The following AFF3 variants were observed in gnomAD, a reference collection of about 807,000 sequenced individuals.
The protein encoded by AFF3 is ALF transcription elongation factor 3.
AFF3 carries 32 observed loss-of-function variants against 129.7 expected under a neutral mutation model. The observed-to-expected ratio is 0.25, with a 90% CI of 0.19 to 0.33. AFF3 has a LOEUF of 0.33. Ranked by LOEUF, AFF3 falls within the 10% of genes least tolerant of loss-of-function variation. The pLI, the probability that AFF3 is intolerant of heterozygous loss-of-function variation, is 1.00. For synonymous variants in AFF3, 644 were observed against 635.4 expected (o/e 1.01, Z -0.20); for missense variants, 1,373 against 1,592.0 (o/e 0.86, Z 2.34).
At chr2:99,824,609 G>A (rs10183018) in intron 8 of AFF3, among the ~76,000 whole-genome samples, 1 of 152,000 alleles carries the variant, frequency 6.6e-6, no homozygotes, top group Non-Finnish European at 1.5e-5. Flanking sequence ...TGCATACATA[G>A]GTGTACCTTA....
At chr2:99,845,786 T>C (rs915776592) in intron 7 of AFF3, among the ~76,000 whole-genome samples, 2 of 152,158 alleles carry the variant, frequency 1.3e-5, no homozygotes, top group Admixed American at 6.5e-5. Flanking sequence ...AAATGTACCA[T>C]TTCCTCTTGA....
At chr2:99,696,382 G>A (rs995457341) in intron 11 of AFF3, among the ~76,000 whole-genome samples, 2 of 152,082 alleles carry the variant, frequency 1.3e-5, no homozygotes, top group African/African-American at 4.8e-5. Flanking sequence ...ATTTTAAGTC[G>A]GTTTATCTAA....
At chr2:100,014,133 TC>T (rs1315874906) in intron 4 of AFF3, among the ~76,000 whole-genome samples, 23 of 150,720 alleles carry the variant, frequency 1.5e-4, no homozygotes, top group Non-Finnish European at 2.2e-4. Context: ...CTTGGAGCAC[TC>T]GCTCCAAGCA....
At chr2:99,554,589 A>G in intron 23 of AFF3, 55 bp from the exon 24 acceptor site, 2 of 1,608,712 alleles carry the variant, frequency 1.2e-6, no homozygotes, top group Non-Finnish European at 1.7e-6. Flanking sequence ...CAAGCGAGGC[A>G]GGGCAGCCCC....
At chr2:99,678,880 A>G (rs1674262980) in intron 11 of AFF3, among the ~76,000 whole-genome samples, 1 of 152,330 alleles carries the variant, frequency 6.6e-6, no homozygotes, top group East Asian at 1.9e-4. Flanking sequence ...TTCTTTCTGA[A>G]GTCTACTGCT....
At chr2:99,881,283 T>C (rs1692692993) in intron 7 of AFF3, among the ~76,000 whole-genome samples, 1 of 152,158 alleles carries the variant, frequency 6.6e-6, no homozygotes, top group African/African-American at 2.4e-5. Flanking sequence ...GTTATTAGGC[T>C]ACAGAGATTG....
chr2:99,976,358 GA>G (rs1678887850), intron 7 of AFF3, among the ~76,000 whole-genome samples: 1 of 152,140 alleles, frequency 6.6e-6, no homozygotes, highest in Admixed American at 6.5e-5. Context: ...TAGGTTTTGA[GA>G]TTAGAAGCTG....
chr2:100,119,323 C>T (rs1371502993), intron 2 of AFF3, among the ~76,000 whole-genome samples: 1 of 152,142 alleles, frequency 6.6e-6, no homozygotes, highest in African/African-American at 2.4e-5. Flanking sequence ...GCCACTTGTC[C>T]CTGTTTTACA....
chr2:99,607,742 G>T (rs1680516133), intron 13 of AFF3, among the ~76,000 whole-genome samples: 1 of 152,182 alleles, frequency 6.6e-6, no homozygotes, highest in Non-Finnish European at 1.5e-5. Flanking sequence ...CACATGCTGT[G>T]GGCACTCCAC....
intron 8 of AFF3, among the ~76,000 whole-genome samples, chr2:99,791,308 G>A (rs985440274): frequency 6.6e-6 from 1 of 152,202 alleles, no homozygotes; most frequent in Admixed American, 6.5e-5. Context: ...TATATAAAAT[G>A]ATATACAATG....
intron 7 of AFF3, among the ~76,000 whole-genome samples, chr2:99,879,465 G>A (rs958067328): frequency 1.3e-5 from 2 of 152,106 alleles, no homozygotes; most frequent in Non-Finnish European, 2.9e-5. Flanking sequence ...AAACTACAGC[G>A]TGTGTATCAG....
chr2:99,761,983 C>A (rs558358098), intron 8 of AFF3, among the ~76,000 whole-genome samples: 1 of 152,224 alleles, frequency 6.6e-6, no homozygotes, highest in East Asian at 1.9e-4. Context: ...CTTTCCTGCC[C>A]CCATCTTGTT....
chr2:99,989,902 T>C (rs1360500366), intron 7 of AFF3, among the ~76,000 whole-genome samples: 1 of 152,240 alleles, frequency 6.6e-6, no homozygotes, highest in African/African-American at 2.4e-5. Flanking sequence ...TTTCCCACGT[T>C]ATCTTTTTAT....
chr2:100,124,491 CT>C (rs1471429959), intron 2 of AFF3, among the ~76,000 whole-genome samples: 2 of 152,082 alleles, frequency 1.3e-5, no homozygotes, highest in Non-Finnish European at 2.9e-5. Flanking sequence ...TTTATACATC[CT>C]TTTTTAAAGG....
At chr2:99,914,322 G>C (rs1489406240) in intron 7 of AFF3, among the ~76,000 whole-genome samples, 1 of 152,150 alleles carries the variant, frequency 6.6e-6, no homozygotes, top group African/African-American at 2.4e-5. Flanking sequence ...AGTCTGAAAT[G>C]CTGGCTTTTA....
chr2:99,607,819 T>C (rs1680523900), intron 13 of AFF3, among the ~76,000 whole-genome samples: 1 of 152,270 alleles, frequency 6.6e-6, no homozygotes, highest in Non-Finnish European at 1.5e-5. Flanking sequence ...ATGCTTGATA[T>C]CCAAACCATA....
chr2:99,964,589 T>C (rs1189639239), intron 7 of AFF3, among the ~76,000 whole-genome samples: 1 of 152,142 alleles, frequency 6.6e-6, no homozygotes, highest in Non-Finnish European at 1.5e-5. Context: ...CACATCAAAA[T>C]ATGTAGCATG....
chr2:100,094,316 G>C (rs888036571), intron 4 of AFF3, among the ~76,000 whole-genome samples: 2 of 151,988 alleles, frequency 1.3e-5, no homozygotes, highest in Admixed American at 6.5e-5. Flanking sequence ...CCCTGAGTTT[G>C]TTTTCCTGCA....
intron 7 of AFF3, among the ~76,000 whole-genome samples, chr2:99,887,341 T>A (rs887953366): frequency 6.6e-6 from 1 of 152,236 alleles, no homozygotes; most frequent in African/African-American, 2.4e-5. Context: ...GGGGAAAACC[T>A]TATTGTTATT....
Sources: allele counts gnomAD v4.1 joint callset (sites outside exome capture counted in the v4.1 genomes callset), GRCh38; gene constraint gnomAD v4.1.1; transcripts MANE v1.5; gene names NCBI Gene and HGNC (gene_info 2026-07-23, HGNC 2026-07-21).